CUBN: variants seen among roughly 807,000 people sequenced by gnomAD.
CUBN encodes the protein cubilin, also known as 460 kDa receptor.
In CUBN, 282 loss-of-function variants were observed where a neutral mutation model predicts 405.3. The ratio of observed to expected loss-of-function variants is 0.70; its 90% CI spans 0.63 to 0.77. The LOEUF is 0.77. CUBN is among the 30% of genes least tolerant of loss of function. The pLI is 0.00. For synonymous variants in CUBN, 1,684 were observed against 1,617.0 expected (o/e 1.04, Z -0.99); for missense variants, 4,514 against 4,475.2 (o/e 1.01, Z -0.25).
chr10:17,006,282 T>C (rs1261986738), intron 28 of CUBN, among the ~76,000 whole-genome samples: 3 of 152,326 alleles, frequency 2.0e-5, no homozygotes, highest in Middle Eastern at 3.4e-3. Context: ...AATTGACATG[T>C]AAATAATCAT....
chr10:16,869,890 TTG>T, intron 58 of CUBN, 37 bp from the exon 59 acceptor site: 1 of 1,437,020 alleles, frequency 7.0e-7, no homozygotes, highest in Non-Finnish European at 9.8e-7. Context: ...ATGTTTCCAT[TTG>T]GACTTCTATT....
intron 4 of CUBN, among the ~76,000 whole-genome samples, chr10:17,125,627 T>C (rs1396395096): frequency 2.0e-5 from 3 of 152,046 alleles, no homozygotes; most frequent in Admixed American, 6.5e-5. Flanking sequence ...GAAAATGAAA[T>C]CAGGAGTCAG....
intron 54 of CUBN, among the ~76,000 whole-genome samples, chr10:16,897,801 G>T (rs963869340): frequency 1.1e-4 from 17 of 152,064 alleles, no homozygotes; most frequent in African/African-American, 4.1e-4. Context: ...TGCTTCCCAC[G>T]GCCACTTATT....
intron 28 of CUBN, among the ~76,000 whole-genome samples, chr10:17,017,435 C>A (rs989027183): frequency 1.1e-4 from 17 of 152,146 alleles, no homozygotes; most frequent in Non-Finnish European, 7.4e-5. Flanking sequence ...TAAGCATTCT[C>A]TTGTTAGTAC....
intron 22 of CUBN, among the ~76,000 whole-genome samples, chr10:17,059,113 C>T (rs1013643835): frequency 1.2e-4 from 15 of 123,266 alleles, no homozygotes; most frequent in African/African-American, 3.7e-4. Context: ...CTCTGACCAA[C>T]CTCAAAAAAA....
rs774708250 is a variant in CUBN, at chr10:16,918,687, A to G, written c.6935T>C (p.Met2312Thr). 4 of 1,613,980 alleles carry G rather than the reference A, an allele frequency of 2.5e-6. No homozygotes were observed. The Admixed American group carries it at 5.0e-5, about 20-fold the overall frequency. Residue 2312 changes from methionine to threonine, a missense_variant, in exon 45 of 67, where the codon ATG (methionine) becomes ACG (threonine). By Grantham distance (81) the Met-to-Thr change is moderately conservative. Coordinates refer to ENST00000377833, the MANE Select transcript of CUBN (RefSeq NM_001081.4). The stretch of plus-strand genomic sequence containing the variant: ...GTTGTCAGATCGAAATCTCAAATAC[A>G]TAACCTCTCCTGAGGACCACTGACT... The part of the protein sequence containing the change: ...PSSQWSSGEV[M>T]YLRFRSDNSP...
chr10:16,904,451 G>T (rs748725241), intron 50 of CUBN, among the ~76,000 whole-genome samples: 2 of 152,172 alleles, frequency 1.3e-5, no homozygotes, highest in Non-Finnish European at 2.9e-5. Context: ...CTTTTGTAGG[G>T]TGTAAGAAAT....
chr10:17,031,452 T>C (rs971566335), intron 27 of CUBN, among the ~76,000 whole-genome samples: 8 of 152,218 alleles, frequency 5.3e-5, no homozygotes, highest in Non-Finnish European at 1.0e-4. Flanking sequence ...ACATAGACAC[T>C]AAGGAACTTG....
At chr10:16,867,750 G>T (rs1840228213) in intron 59 of CUBN, among the ~76,000 whole-genome samples, 1 of 152,198 alleles carries the variant, frequency 6.6e-6, no homozygotes, top group Non-Finnish European at 1.5e-5. Flanking sequence ...CGTGCATAGA[G>T]AATGCTTCTG....
At chr10:16,923,050 T>G (rs530292485) in intron 43 of CUBN, among the ~76,000 whole-genome samples, 132 of 151,980 alleles carry the variant, frequency 8.7e-4, no homozygotes, top group Non-Finnish European at 1.6e-3. Flanking sequence ...GTTGCCCAGG[T>G]TGGTCTCAAA....
chr10:16,962,302 G>C (rs979928985), intron 31 of CUBN, among the ~76,000 whole-genome samples: 1 of 152,124 alleles, frequency 6.6e-6, no homozygotes, highest in Non-Finnish European at 1.5e-5. Flanking sequence ...GAGCTAAATT[G>C]CTGTGTAAGA....
chr10:16,902,817 G>C (rs1415044529), intron 51 of CUBN, among the ~76,000 whole-genome samples: 1 of 152,160 alleles, frequency 6.6e-6, no homozygotes, highest in Non-Finnish European at 1.5e-5. Context: ...TTGGGTCCCA[G>C]GGTTGGGCTC....
At chr10:16,943,967 G>C (rs570582888) in intron 36 of CUBN, among the ~76,000 whole-genome samples, 1 of 152,210 alleles carries the variant, frequency 6.6e-6, no homozygotes, top group African/African-American at 2.4e-5. Flanking sequence ...CTTTGCTTTA[G>C]GCTGGTACAT....
At chr10:17,081,639 G>C (rs1285241356) in intron 17 of CUBN, among the ~76,000 whole-genome samples, 1 of 152,140 alleles carries the variant, frequency 6.6e-6, no homozygotes, top group African/African-American at 2.4e-5. Context: ...AACAACAAGA[G>C]AAGTGAATAT....
intron 17 of CUBN, among the ~76,000 whole-genome samples, chr10:17,082,971 A>G (rs1424978167): frequency 6.6e-6 from 1 of 152,164 alleles, no homozygotes; most frequent in African/African-American, 2.4e-5. Flanking sequence ...AATTTGTTAT[A>G]CTATTTTAAA....
At chr10:17,030,939 TAA>T (rs1304632213) in intron 27 of CUBN, among the ~76,000 whole-genome samples, 2 of 151,966 alleles carry the variant, frequency 1.3e-5, no homozygotes, top group East Asian at 3.9e-4. Flanking sequence ...TAAAATAAAA[TAA>T]GAGTTGTTAA....
At chr10:17,044,571 C>G (rs1835082231) in intron 25 of CUBN, among the ~76,000 whole-genome samples, 1 of 151,982 alleles carries the variant, frequency 6.6e-6, no homozygotes, top group Admixed American at 6.6e-5. Flanking sequence ...TGATTCATGA[C>G]ACTTCAATAC....
chr10:16,849,776 G>C (rs1839628424), intron 60 of CUBN, among the ~76,000 whole-genome samples: 1 of 152,096 alleles, frequency 6.6e-6, no homozygotes, highest in Non-Finnish European at 1.5e-5. Flanking sequence ...TCTCTCTGGA[G>C]CCCTCCCAGC....
chr10:17,069,187 G>A (rs140773546), intron 19 of CUBN, among the ~76,000 whole-genome samples: 34 of 151,968 alleles, frequency 2.2e-4, no homozygotes, highest in Middle Eastern at 3.4e-3. Flanking sequence ...TTATTTATCC[G>A]TTTACCAGTT....
Sources: gnomAD v4.1 joint callset for allele counts (sites outside exome capture counted in the v4.1 genomes callset) on GRCh38, gnomAD v4.1.1 for gene constraint, MANE v1.5 for transcripts, NCBI Gene and HGNC (gene_info 2026-07-23, HGNC 2026-07-21) for gene names.